The following TDRD3 variants were observed in gnomAD, a reference collection of about 807,000 sequenced individuals.
TDRD3 encodes tudor domain containing 3.
TDRD3 carries 45 observed loss-of-function variants against 86.7 expected under a neutral mutation model. The observed-to-expected ratio is 0.52, with a 90% CI of 0.41 to 0.67. The LOEUF is 0.67. Ranked by LOEUF, TDRD3 falls within the 30% of genes least tolerant of loss-of-function variation. The pLI, the probability that TDRD3 is intolerant of heterozygous loss-of-function variation, is 0.00. For synonymous variants in TDRD3, 298 were observed against 301.7 expected, an observed-to-expected ratio of 0.99 and a Z score of 0.13; for missense variants, 814 against 889.0, an observed-to-expected ratio of 0.92 and a Z score of 1.07.
chr13:60,447,333 C>G (rs1027024861), intron 3 of TDRD3, among the ~76,000 whole-genome samples: 1 of 152,118 alleles, frequency 6.6e-6, no homozygotes, highest in Non-Finnish European at 1.5e-5. Flanking sequence ...TTTAAATCTT[C>G]TTTCTCCTGC....
intron 3 of TDRD3, among the ~76,000 whole-genome samples, chr13:60,447,448 T>C (rs1189512361): frequency 6.6e-6 from 1 of 152,210 alleles, no homozygotes; most frequent in Non-Finnish European, 1.5e-5. Flanking sequence ...ATAAATGAGA[T>C]AATACTAAAT....
rs1179420866 is a variant in TDRD3 at position 60,485,928 on chromosome 13, GA to G, written c.699del (p.Val234LeufsTer23). On this transcript the variant is annotated frameshift_variant, in exon 7 of 14. Coordinates refer to ENST00000377881, the MANE Select transcript of TDRD3 (RefSeq NM_001146070.2). LOFTEE classifies it high-confidence loss of function. ...AAAGCAAAGGACGGCTGCTATTGCT[GA>G]AGTTGCAAAGAGCAAGGAAGTAAGA... Reference protein sequence around the residue: ...FEKQRTAAIAEVAKSKETKTF... With the variant: ...FEKQRTAAIAXVAKSKETKTF... 6.2e-7 allele frequency: 1 copy of G among 1,608,784 alleles called. No individual in the cohort carries two copies. The highest frequency in any genetic ancestry group is 8.5e-7 in the Non-Finnish European group (1 of 1,178,112).
At chr13:60,557,820 ATTTTTTTT>A (rs749028045) in intron 12 of TDRD3, among the ~76,000 whole-genome samples, 3 of 88,252 alleles carry the variant, frequency 3.4e-5, no homozygotes, top group Non-Finnish European at 6.7e-5. Context: ...TTTTTTCCTG[ATTTTTTTT>A]TTTTTTTTTT....
intron 6 of TDRD3, among the ~76,000 whole-genome samples, chr13:60,485,193 C>T (rs2137510799): frequency 6.6e-6 from 1 of 152,020 alleles, no homozygotes; most frequent in African/African-American, 2.4e-5. Flanking sequence ...AGAAAAAGTT[C>T]ATTTTATACT....
At chr13:60,458,876 TG>T (rs1955738474) in intron 3 of TDRD3, among the ~76,000 whole-genome samples, 2 of 152,350 alleles carry the variant, frequency 1.3e-5, no homozygotes, top group South Asian at 4.1e-4. Context: ...AACAGAATTA[TG>T]AGCTATAATA....
intron 12 of TDRD3, among the ~76,000 whole-genome samples, chr13:60,548,446 G>A (rs912954841): frequency 5.3e-5 from 8 of 152,094 alleles, no homozygotes; most frequent in African/African-American, 1.9e-4. Flanking sequence ...CTGACTATCT[G>A]TAAATAATAG....
intron 10 of TDRD3, among the ~76,000 whole-genome samples, chr13:60,511,309 A>G (rs1350178732): frequency 6.6e-6 from 1 of 152,208 alleles, no homozygotes; most frequent in Admixed American, 6.5e-5. Context: ...AAGTTAAGGA[A>G]ATATACTTTT....
At chr13:60,476,605 T>A (rs1956191632) in intron 5 of TDRD3, among the ~76,000 whole-genome samples, 1 of 152,148 alleles carries the variant, frequency 6.6e-6, no homozygotes, top group Non-Finnish European at 1.5e-5. Context: ...ATAACATTGA[T>A]AGTTTGATAG....
chr13:60,501,759 A>C (rs1351235588), intron 8 of TDRD3, among the ~76,000 whole-genome samples: 1 of 152,218 alleles, frequency 6.6e-6, no homozygotes, highest in African/African-American at 2.4e-5. Flanking sequence ...TCTTTAGGAC[A>C]AGTACTTACT....
chr13:60,439,127 G>A (rs1022411584), intron 1 of TDRD3, among the ~76,000 whole-genome samples: 3 of 152,102 alleles, frequency 2.0e-5, no homozygotes, highest in Non-Finnish European at 4.4e-5. Flanking sequence ...ACTGAAAAGA[G>A]ATAGGAAAAG....
At chr13:60,554,480 C>G (rs1002817985) in intron 12 of TDRD3, among the ~76,000 whole-genome samples, 5 of 151,972 alleles carry the variant, frequency 3.3e-5, no homozygotes, top group Admixed American at 3.3e-4. Flanking sequence ...TCTCTTTGTC[C>G]GGAGGATCTA....
In TDRD3 at chr13:60,517,517, G is replaced by A. The variant is rs574583844; in HGVS notation, c.1141+6762G>A. On this transcript the variant is annotated intron_variant, in intron 10 of 13. Coordinates refer to ENST00000377881, the MANE Select transcript of TDRD3 (RefSeq NM_001146070.2). Reference sequence around the variant, plus strand: ...AACCAGGGATAAATGGTTGCTATGTGAGTAAAGTCATCAACTGCCAGCACA... The same window carrying A: ...AACCAGGGATAAATGGTTGCTATGTAAGTAAAGTCATCAACTGCCAGCACA... Among the ~76,000 whole-genome samples, 7 of 152,332 alleles carry A rather than the reference G, an allele frequency of 4.6e-5. No individual in the cohort carries two copies. In the East Asian group the frequency reaches 1.3e-3, roughly 29 times the overall value.
rs118149748 is a variant in TDRD3, at chr13:60,427,870, T to G, written c.42-11818T>G. Among the ~76,000 whole-genome samples, 1,084 of 152,324 alleles carry G rather than the reference T, an allele frequency of 7.1e-3. 5 individuals are homozygous for G. The highest frequency in any genetic ancestry group is 0.011 in the Non-Finnish European group (741 of 68,018). On this transcript the variant is annotated intron_variant, in intron 1 of 13. Transcript: ENST00000377881. The stretch of plus-strand genomic sequence containing the variant: ...ATACTTCTCAAGTAATTACTGGAAT[T>G]TGTAATGGGTATATTTATTTCCTGT...
rs1955491628 is a variant in TDRD3 at position 60,449,713 on chromosome 13, A to C, written c.192+4965A>C. Among the ~76,000 whole-genome samples, 10 of 152,092 alleles carry C rather than the reference A, an allele frequency of 6.6e-5. No individual in the cohort carries two copies. In the South Asian group the frequency reaches 2.1e-3, roughly 31 times the overall value. On this transcript the variant is annotated intron_variant, in intron 3 of 13. Transcript: ENST00000377881. ...TTTCTTAATTATAAGGAATTTATTAAATGTTTTAAAAATTCCTAAGGGGTA... is the reference window on the plus strand; with the variant it reads ...TTTCTTAATTATAAGGAATTTATTACATGTTTTAAAAATTCCTAAGGGGTA...
At chr13:60,400,095 G>T (rs1954052852) in intron 1 of TDRD3, among the ~76,000 whole-genome samples, 1 of 152,168 alleles carries the variant, frequency 6.6e-6, no homozygotes, top group African/African-American at 2.4e-5. Flanking sequence ...ATGTTCCAGG[G>T]CTTTCTACAG....
Position 60,515,675 on chromosome 13 carries a change from G to A in TDRD3, c.1141+4920G>A, listed in dbSNP as rs543566124. On this transcript the variant is annotated intron_variant, in intron 10 of 13. Transcript: ENST00000377881. ...CACTACTCAGTGCCAGTATTCTTAG[G>A]TGAGCTGGGGTATATTGTAAAATAA... is the stretch of plus-strand genomic sequence containing the variant. Among the ~76,000 whole-genome samples the A allele has an allele frequency of 2.3e-4, 35 of 152,260 alleles. No homozygotes were observed. In the Middle Eastern group the frequency reaches 0.014, roughly 59 times the overall value.
intron 4 of TDRD3, 190 bp downstream of exon 4, chr13:60,460,730 C>T (rs928664533): frequency 3.3e-5 from 16 of 482,864 alleles, no homozygotes; most frequent in South Asian, 1.4e-4. Context: ...TATGGCCAGG[C>T]GTGGTGGCTC....
At chr13:60,459,435 G>A (rs926954908) in intron 3 of TDRD3, among the ~76,000 whole-genome samples, 1 of 152,004 alleles carries the variant, frequency 6.6e-6, no homozygotes, top group Admixed American at 6.6e-5. Flanking sequence ...TTGAAATTTG[G>A]CCAACACATA....
At chr13:60,551,444 T>A (rs1258112409) in intron 12 of TDRD3, among the ~76,000 whole-genome samples, 1 of 152,180 alleles carries the variant, frequency 6.6e-6, no homozygotes, top group East Asian at 1.9e-4. Context: ...AAGAACAGTC[T>A]CTTTTATTGT....
Sources: allele counts gnomAD v4.1 joint callset (sites outside exome capture counted in the v4.1 genomes callset), GRCh38; gene constraint gnomAD v4.1.1; transcripts MANE v1.5; gene names NCBI Gene and HGNC (gene_info 2026-07-23, HGNC 2026-07-21).